Variants in LMO7 observed in about 807,000 individuals in gnomAD.
The protein encoded by LMO7 is LIM domain only protein 7.
LMO7 carries 120 observed loss-of-function variants against 206.5 expected under a neutral mutation model. The observed-to-expected ratio is 0.58, with a 90% CI of 0.50 to 0.68. The LOEUF (loss-of-function observed/expected upper bound fraction) is 0.68, where lower values mean the gene tolerates loss of function less well. LMO7 is among the 30% of genes least tolerant of loss of function. The probability of loss-of-function intolerance (pLI) is 0.00; values close to 1 mark genes in which losing one functional copy is unlikely to be tolerated. For missense variants in LMO7, 1,959 were observed against 1,957.9 expected, an observed-to-expected ratio of 1.00 and a Z score of -0.01; for synonymous variants, 706 against 681.5, an observed-to-expected ratio of 1.04 and a Z score of -0.56.
intron 3 of LMO7, among the ~76,000 whole-genome samples, chr13:75,732,864 CTG>C (rs2045393641): frequency 6.6e-6 from 1 of 152,204 alleles, no homozygotes; most frequent in Admixed American, 6.5e-5. Context: ...AGCTGCAGGT[CTG>C]TTGGAGTTTG....
intron 2 of LMO7, among the ~76,000 whole-genome samples, chr13:75,725,975 C>T (rs1037752318): frequency 6.6e-6 from 1 of 151,478 alleles, no homozygotes; most frequent in Admixed American, 6.6e-5. Context: ...GAGTGACATT[C>T]CACAGGCTTC....
intron 3 of LMO7, among the ~76,000 whole-genome samples, chr13:75,737,646 G>T (rs1352945024): frequency 6.9e-6 from 1 of 144,410 alleles, no homozygotes; most frequent in East Asian, 2.0e-4. Flanking sequence ...CCAGCTACTC[G>T]GGAGGCTGAG....
At chr13:75,737,572 T>G (rs1481460088) in intron 3 of LMO7, among the ~76,000 whole-genome samples, 1 of 147,464 alleles carries the variant, frequency 6.8e-6, no homozygotes, top group Admixed American at 6.7e-5. Flanking sequence ...GCTAACACGG[T>G]GAAACCCCGT....
chr13:75,819,842 T>C (rs1391345169), intron 13 of LMO7, among the ~76,000 whole-genome samples: 1 of 152,216 alleles, frequency 6.6e-6, no homozygotes, highest in African/African-American at 2.4e-5. Flanking sequence ...AATACACTGC[T>C]TTTTACTCTT....
At chr13:75,812,813 C>T (rs1220652742) in intron 11 of LMO7, among the ~76,000 whole-genome samples, 2 of 152,180 alleles carry the variant, frequency 1.3e-5, no homozygotes, top group Admixed American at 6.5e-5. Context: ...AAATTGGAGC[C>T]TTTCCAAATA....
intron 1 of LMO7, among the ~76,000 whole-genome samples, chr13:75,698,804 A>G (rs549618011): frequency 6.6e-6 from 1 of 152,272 alleles, no homozygotes; most frequent in Non-Finnish European, 1.5e-5. Flanking sequence ...AAATTTTTTA[A>G]AAAAACATTT....
chr13:75,623,492 T>C (rs1273548357), intron 2 of LMO7, among the ~76,000 whole-genome samples: 1 of 151,864 alleles, frequency 6.6e-6, no homozygotes, highest in South Asian at 2.1e-4. Context: ...GCCTCCCGAG[T>C]AGCTGGGATT....
chr13:75,807,630 C>A lies in LMO7; in HGVS notation c.1347C>A (p.Leu449=). The change falls in exon 10 of 31, where the codon CTC becomes CTA. Residue 449 remains leucine (L), a synonymous_variant. Coordinates refer to ENST00000377534, the MANE Select transcript of LMO7 (RefSeq NM_001306080.2). ...CACCAGGCTATAGAAGAGATGACCT[C>A]GAGATGGCAGCCCTGGATCCTGACT... The part of the protein sequence containing the change: ...SYAPGYRRDD[L]EMAALDPDLE... 1 of 1,613,966 alleles carries A rather than the reference C, an allele frequency of 6.2e-7. No individual in the cohort carries two copies. Among genetic ancestry groups the A allele is most frequent in the South Asian group, 1.1e-5 (1 of 91,078 alleles).
Position 75,810,777 on chromosome 13 carries a change from A to G in LMO7, c.1946+1594A>G, listed in dbSNP as rs770977989. On this transcript the variant is annotated intron_variant, in intron 11 of 30. Transcript: ENST00000377534. ...ATGTGGTGGAAATGTCAACATGTAC[A>G]ACCATTTCAGTGGCTGGATGTGTTC... is the stretch of plus-strand genomic sequence containing the variant. Among the ~76,000 whole-genome samples the G allele has an allele frequency of 4.5e-4, 69 of 152,226 alleles. 2 individuals carry two copies. Among genetic ancestry groups the G allele is most frequent in the Non-Finnish European group, 1.0e-4 (7 of 68,032 alleles).
At chr13:75,687,948 G>A (rs1458425023) in intron 1 of LMO7, among the ~76,000 whole-genome samples, 2 of 152,118 alleles carry the variant, frequency 1.3e-5, no homozygotes, top group African/African-American at 2.4e-5. Context: ...AATCATGGGG[G>A]TGGTTCTTTC....
At chr13:75,834,137 C>A in intron 16 of LMO7, 89 bp from the exon 17 acceptor site, 1 of 919,274 alleles carries the variant, frequency 1.1e-6, no homozygotes, top group Non-Finnish European at 1.6e-6. Flanking sequence ...AATTGAAATT[C>A]AGAGTCATTT....
In LMO7 at chr13:75,823,841, A is replaced by G. The variant is rs2057837121; in HGVS notation, c.2917A>G (p.Ile973Val). ...AATGTCTGAATCTGGAGAAGGGGAAATCTCCCCACAAAGAGAAGTCTCAAG... is the reference window on the plus strand; with the variant it reads ...AATGTCTGAATCTGGAGAAGGGGAAGTCTCCCCACAAAGAGAAGTCTCAAG... ...DLMSESGEGE[I>V]SPQREVSRSQ... The change falls in exon 15 of 31, where the codon ATC becomes GTC. Residue 973 changes from isoleucine to valine, a missense_variant. By Grantham distance (29) the Ile-to-Val change is conservative. Transcript: ENST00000377534. 2 of 1,614,042 alleles carry G rather than the reference A, an allele frequency of 1.2e-6. No homozygotes were observed. Among genetic ancestry groups the G allele is most frequent in the Admixed American group, 1.7e-5 (1 of 60,014 alleles).
chr13:75,782,474 G>T (rs540173084), intron 4 of LMO7, among the ~76,000 whole-genome samples: 5 of 152,200 alleles, frequency 3.3e-5, no homozygotes, highest in East Asian at 1.9e-4. Flanking sequence ...AACTGCATTG[G>T]TGATAAAATT....
chr13:75,747,423 C>G (rs573335569), intron 3 of LMO7, among the ~76,000 whole-genome samples: 4 of 152,282 alleles, frequency 2.6e-5, no homozygotes, highest in African/African-American at 9.6e-5. Context: ...AATACGGATG[C>G]TACAATGAAA....
At position 75,795,386 on chromosome 13, in the gene LMO7, T is replaced by G; in HGVS notation, c.318-15T>G. ...TTCACGGATATTACCTAATAGATATTTTCTTTCTTTACAGGCAAGAAGAGA... is the reference window on the plus strand; with the variant it reads ...TTCACGGATATTACCTAATAGATATGTTCTTTCTTTACAGGCAAGAAGAGA... On this transcript the variant is annotated splice_polypyrimidine_tract_variant and intron_variant, in intron 4 of 30. Transcript: ENST00000377534. 1 of 1,553,918 alleles carries G rather than the reference T, an allele frequency of 6.4e-7. No individual in the cohort carries two copies. The highest frequency in any genetic ancestry group is 8.8e-7 in the Non-Finnish European group (1 of 1,134,098).
chr13:75,705,774 T>C (rs1287326225), intron 1 of LMO7, among the ~76,000 whole-genome samples: 2 of 151,786 alleles, frequency 1.3e-5, no homozygotes, highest in Non-Finnish European at 2.9e-5. Context: ...AAGAATGAGT[T>C]CACATTTAAA....
chr13:75,739,798 C>G (rs1031441765), intron 3 of LMO7, among the ~76,000 whole-genome samples: 16 of 152,144 alleles, frequency 1.1e-4, no homozygotes, highest in African/African-American at 3.9e-4. Flanking sequence ...TTGTCCTGTA[C>G]TTTTCTAAAA....
chr13:75,812,771 G>T lies in LMO7; in HGVS notation c.1946+3588G>T, dbSNP rs530128434. 2.0e-5 allele frequency among the ~76,000 whole-genome samples: 3 copies of T among 152,154 alleles called. No homozygotes were observed. In the South Asian group the frequency reaches 6.2e-4, roughly 31 times the overall value. On this transcript the variant is annotated intron_variant, in intron 11 of 30. Transcript: ENST00000377534. ...AACAGAAAGGCAAGATGCTAGATCT[G>T]TATTTTTTGGAAAAAATCCAGTTGC...
intron 4 of LMO7, among the ~76,000 whole-genome samples, chr13:75,770,384 T>C (rs1185402334): frequency 6.6e-6 from 1 of 152,042 alleles, no homozygotes; most frequent in Admixed American, 6.6e-5. Flanking sequence ...AGCCTTGCTA[T>C]TGAGTCCTCT....
Sources: gnomAD v4.1 joint callset for allele counts (sites outside exome capture counted in the v4.1 genomes callset) on GRCh38, gnomAD v4.1.1 for gene constraint, MANE v1.5 for transcripts, NCBI Gene and HGNC (gene_info 2026-07-23, HGNC 2026-07-21) for gene names.